The following PKD1L1 variants were observed in gnomAD, a reference collection of about 807,000 sequenced individuals.
The protein encoded by PKD1L1 is polycystin 1 like 1, transient receptor potential channel interacting.
Under a neutral mutation model 323.4 loss-of-function variants are expected in PKD1L1, and 236 were observed. The observed-to-expected ratio is 0.73, with a 90% CI of 0.66 to 0.81. The LOEUF (loss-of-function observed/expected upper bound fraction) is 0.81. PKD1L1 is among the 40% of genes least tolerant of loss of function. The probability of loss-of-function intolerance (pLI) is 0.00; values close to 1 mark genes in which losing one functional copy is unlikely to be tolerated. For missense variants in PKD1L1, 3,320 were observed against 3,508.0 expected, an observed-to-expected ratio of 0.95 and a Z score of 1.35; for synonymous variants, 1,344 against 1,335.0, an observed-to-expected ratio of 1.01 and a Z score of -0.15.
At position 47,785,744 on chromosome 7, in the gene PKD1L1, C is replaced by CT. The variant is rs58949004; in HGVS notation, c.8526+6882dup. Among the ~76,000 whole-genome samples the CT allele has an allele frequency of 6.9e-3, 970 of 141,126 alleles. 11 individuals are homozygous for CT. The highest frequency in any genetic ancestry group is 0.015 in the Middle Eastern group (4 of 266). The allele number at this position is 141,126 out of a possible 152,430, so 92.6% of individuals were successfully genotyped here. A position where few individuals can be genotyped will look rare whatever the true frequency, so the allele number is the denominator to read the frequency against. The stretch of plus-strand genomic sequence containing the variant: ...GTTCAGGCCGAGTTGATATTTCTTT[C>CT]TTTTTTTTTTTTTTTGAGACAGAGT... On this transcript the variant is annotated intron_variant, in intron 56 of 56. Transcript: ENST00000289672.
intron 8 of PKD1L1, among the ~76,000 whole-genome samples, chr7:47,912,674 G>A (rs1480630520): frequency 1.3e-5 from 2 of 151,846 alleles, no homozygotes. Flanking sequence ...AAATCAGCCA[G>A]GCGTGGTGGT....
chr7:47,879,948 T>TA (rs59804569), intron 21 of PKD1L1, among the ~76,000 whole-genome samples: 9,475 of 109,396 alleles, frequency 0.087, 369 homozygotes, highest in Non-Finnish European at 0.087. Flanking sequence ...AAATAAAAAA[T>TA]AAAAAAAAAA....
chr7:47,885,824 C>G lies in PKD1L1; in HGVS notation c.3067G>C (p.Gly1023Arg), dbSNP rs756003713. ...GCCTCCCCCAGGACTGCAGAGTCCC[C>G]CGCAGGAGGAATCCAGTAGACTCCA... ...MTGVYWIPPA[G>R]DSAVLGEAPE... The change falls in exon 18 of 57, where the codon GGG (glycine) becomes CGG (arginine). Residue 1023 changes from glycine (G) to arginine (R), a missense_variant. Gly to Arg is a moderately radical substitution (Grantham distance 125). Coordinates refer to ENST00000289672, the MANE Select transcript of PKD1L1 (RefSeq NM_138295.5). The G allele has an allele frequency of 1.2e-6, 2 of 1,614,074 alleles. No homozygotes were observed. Among genetic ancestry groups the G allele is most frequent in the African/African-American group, 1.3e-5 (1 of 74,918 alleles).
intron 45 of PKD1L1, among the ~76,000 whole-genome samples, chr7:47,821,706 T>C (rs80207856): frequency 6.6e-6 from 1 of 151,338 alleles, no homozygotes; most frequent in Admixed American, 6.6e-5. Flanking sequence ...TTTTTTTTTT[T>C]TGAGGCAATC....
intron 8 of PKD1L1, among the ~76,000 whole-genome samples, chr7:47,913,332 G>A (rs1787362487): frequency 6.6e-6 from 1 of 152,150 alleles, no homozygotes; most frequent in Non-Finnish European, 1.5e-5. Context: ...GAATATATTA[G>A]CTCTAGAACC....
rs1006144078 is a variant in PKD1L1, at chr7:47,812,005, T to C, written c.7393A>G (p.Ile2465Val). The C allele has an allele frequency of 6.3e-7, 1 of 1,585,332 alleles. No homozygotes were observed. Among genetic ancestry groups the C allele is most frequent in the African/African-American group, 1.3e-5 (1 of 74,390 alleles). The change falls in exon 50 of 57, where the codon ATT becomes GTT. Residue 2465 changes from isoleucine to valine, a missense_variant. Ile to Val is a conservative substitution (Grantham distance 29). Coordinates refer to ENST00000289672, the MANE Select transcript of PKD1L1 (RefSeq NM_138295.5). ...GACACAGCCCTGGTGCTGCGGTCAATCCACATGCTGGCCCTGAGTCGGGAC... is the reference window on the plus strand; with the variant it reads ...GACACAGCCCTGGTGCTGCGGTCAACCCACATGCTGGCCCTGAGTCGGGAC... Reference protein sequence around the residue: ...ALSRLRASMWIDRSTRAVSVH... With the variant: ...ALSRLRASMWVDRSTRAVSVH...
At chr7:47,868,971 CATA>C (rs1786225552) in intron 24 of PKD1L1, among the ~76,000 whole-genome samples, 1 of 152,058 alleles carries the variant, frequency 6.6e-6, no homozygotes, top group Non-Finnish European at 1.5e-5. Context: ...ACATAACAAT[CATA>C]ACACAAAAAG....
intron 16 of PKD1L1, 88 bp from the exon 17 acceptor site, chr7:47,888,238 A>AC: frequency 7.3e-7 from 1 of 1,365,642 alleles, no homozygotes; most frequent in South Asian, 1.3e-5. Flanking sequence ...TGTTTAAATC[A>AC]CCCTACTTTG....
intron 2 of PKD1L1, among the ~76,000 whole-genome samples, chr7:47,942,366 C>T (rs1788004978): frequency 6.6e-6 from 1 of 152,112 alleles, no homozygotes; most frequent in Non-Finnish European, 1.5e-5. Context: ...ATGATCTTAA[C>T]ATAAGAATTG....
chr7:47,896,723 G>A (rs561911588), intron 14 of PKD1L1, among the ~76,000 whole-genome samples: 3 of 152,074 alleles, frequency 2.0e-5, no homozygotes, highest in East Asian at 3.9e-4. Flanking sequence ...TCCTCCACTC[G>A]TTCAGTATTA....
rs537988795 is a variant in PKD1L1 at position 47,795,542 on chromosome 7, T to C, written c.8355+447A>G. On this transcript the variant is annotated intron_variant, in intron 55 of 56. Transcript: ENST00000289672. ...ATATCAGCCATGAAGAAAGTGAGTA[T>C]TCAGTGTGCAAACGCCTGGTTTGAT... 1.7e-5 allele frequency: 6 copies of C among 353,264 alleles called. No homozygotes were observed. The East Asian group carries it at 4.0e-4, about 24-fold the overall frequency. The allele number at this position is 353,264 out of a possible 1,614,324, so 21.9% of individuals were successfully genotyped here.
intron 13 of PKD1L1, among the ~76,000 whole-genome samples, chr7:47,899,920 C>T (rs1346917091): frequency 7.5e-6 from 1 of 133,490 alleles, no homozygotes; most frequent in East Asian, 2.5e-4. Context: ...TGCACCACTG[C>T]ACTCCCTCCT....
intron 24 of PKD1L1, among the ~76,000 whole-genome samples, chr7:47,867,170 G>A (rs1786186761): frequency 6.6e-6 from 1 of 152,074 alleles, no homozygotes; most frequent in African/African-American, 2.4e-5. Flanking sequence ...ATTTTCATCT[G>A]GACACACCGC....
In PKD1L1 at chr7:47,943,446, C is replaced by G; in HGVS notation, c.110G>C (p.Trp37Ser). ...GCTACAGCTGCACAGATGAAGACCC[C>G]AGCTCTTGTCAGTGCTCACAGACAG... ...GELSVSTDKSWGLHLCSCSPP... is the reference protein window; with the variant it reads ...GELSVSTDKSSGLHLCSCSPP... The change falls in exon 2 of 57, where the codon TGG becomes TCG. Residue 37 changes from tryptophan (W) to serine (S), a missense_variant. By Grantham distance (177) the Trp-to-Ser change is radical. Transcript: ENST00000289672. 1 of 1,613,576 alleles carries G rather than the reference C, an allele frequency of 6.2e-7. No individual in the cohort carries two copies. The highest frequency in any genetic ancestry group is 8.5e-7 in the Non-Finnish European group (1 of 1,179,698).
At chr7:47,833,398 A>C (rs1785390156) in intron 40 of PKD1L1, 146 bp from the exon 41 acceptor site, 1 of 887,220 alleles carries the variant, frequency 1.1e-6, no homozygotes, top group African/African-American at 1.7e-5. Context: ...AAGACTTCTG[A>C]GGGAGGAAGC....
intron 42 of PKD1L1, 47 bp downstream of exon 42, chr7:47,831,170 C>G: frequency 6.3e-7 from 1 of 1,579,138 alleles, no homozygotes; most frequent in Non-Finnish European, 8.6e-7. Context: ...AAATGCGAGA[C>G]TTTCCATCTG....
At chr7:47,848,384 T>G (rs1329324862) in intron 31 of PKD1L1, among the ~76,000 whole-genome samples, 1 of 150,674 alleles carries the variant, frequency 6.6e-6, no homozygotes, top group Admixed American at 6.6e-5. Flanking sequence ...ACATACGGAG[T>G]GATTTCTAAA....
In PKD1L1 at chr7:47,885,697, G is replaced by A. The variant is rs1198340439; in HGVS notation, c.3194C>T (p.Pro1065Leu). The change falls in exon 18 of 57, where the codon CCT becomes CTT. Residue 1065 changes from proline to leucine, a missense_variant. Pro to Leu is a moderately conservative substitution (Grantham distance 98). Coordinates refer to ENST00000289672, the MANE Select transcript of PKD1L1 (RefSeq NM_138295.5). ...ERSQPTHSPD[P>L]HLSDFEAYYS... ...ACAGTGGCACTTACCAGAGAGGTGA[G>A]GGTCAGGGCTGTGGGTGGGCTGACT... is the stretch of plus-strand genomic sequence containing the variant. 1 of 1,612,070 alleles carries A rather than the reference G, an allele frequency of 6.2e-7. No homozygotes were observed. Among genetic ancestry groups the A allele is most frequent in the Non-Finnish European group, 8.5e-7 (1 of 1,178,782 alleles).
chr7:47,960,655 A>C, the PKD1L1 span, among the ~76,000 whole-genome samples: 3 of 150,930 alleles, frequency 2.0e-5, no homozygotes, highest in African/African-American at 7.3e-5. Context: ...GAACAATAAG[A>C]TGTATGAAAG....
Sources: allele counts gnomAD v4.1 joint callset (sites outside exome capture counted in the v4.1 genomes callset), GRCh38; gene constraint gnomAD v4.1.1; transcripts MANE v1.5; gene names NCBI Gene and HGNC (gene_info 2026-07-23, HGNC 2026-07-21).